ZNF746: variants seen among roughly 807,000 people sequenced by gnomAD.
The protein encoded by ZNF746 is parkin-interacting substrate.
Under a neutral mutation model 41.0 loss-of-function variants are expected in ZNF746, and 13 were observed. The observed-to-expected ratio is 0.32, with a 90% CI of 0.21 to 0.50. ZNF746 has a LOEUF of 0.50. Ranked by LOEUF, ZNF746 falls within the 20% of genes least tolerant of loss-of-function variation. The probability of loss-of-function intolerance (pLI) is 0.98; values close to 1 mark genes in which losing one functional copy is unlikely to be tolerated. For missense variants in ZNF746, 811 were observed against 922.9 expected, an observed-to-expected ratio of 0.88 and a Z score of 1.57; for synonymous variants, 424 against 396.2, an observed-to-expected ratio of 1.07 and a Z score of -0.83.
chr7:149,473,217 G>A lies in ZNF746; in HGVS notation c.*1167C>T, dbSNP rs1800158197. The A allele has an allele frequency of 1.3e-5, 2 of 152,108 alleles. No individual in the cohort carries two copies. The highest frequency in any genetic ancestry group is 2.4e-5 in the African/African-American group (1 of 41,398). The allele number at this position is 152,108 out of a possible 1,614,324, so 9.4% of individuals were successfully genotyped here. A position where few individuals can be genotyped will look rare whatever the true frequency, so the allele number is the denominator to read the frequency against. On this transcript the variant is annotated 3_prime_UTR_variant, in exon 7 of 7. Coordinates refer to ENST00000458143, the MANE Select transcript of ZNF746 (RefSeq NM_001394198.1). ...GGGGAGGCGGCTGCTACAAGCAGAA[G>A]TTCCTTTGAGGCCTGGTGACTGGAC...
At chr7:149,485,367 A>G (rs964295715) in intron 4 of ZNF746, among the ~76,000 whole-genome samples, 1 of 152,230 alleles carries the variant, frequency 6.6e-6, no homozygotes, top group Non-Finnish European at 1.5e-5. Context: ...TTTTTCATGG[A>G]ACTTGATAAG....
chr7:149,485,121 TA>T (rs1563252636), intron 4 of ZNF746, among the ~76,000 whole-genome samples: 1 of 127,124 alleles, frequency 7.9e-6, no homozygotes. Context: ...AAATGCAAGT[TA>T]AAAAAAGATA....
chr7:149,485,020 C>T (rs894329575), intron 4 of ZNF746, among the ~76,000 whole-genome samples: 1 of 151,852 alleles, frequency 6.6e-6, no homozygotes, highest in Non-Finnish European at 1.5e-5. Context: ...GCATAAAGGG[C>T]AGGGACATTG....
In ZNF746 at chr7:149,474,372, G is replaced by A. The variant is rs765778770; in HGVS notation, c.*12C>T. ...CACGTGCGGCCGGCAGGGGCTATGG[G>A]GCTGGAGGCGCTCACATGTCCCCGC... is the stretch of plus-strand genomic sequence containing the variant. On this transcript the variant is annotated 3_prime_UTR_variant, in exon 7 of 7. Coordinates refer to ENST00000458143, the MANE Select transcript of ZNF746 (RefSeq NM_001394198.1). This position sits in a 1 kb window ranked among gnomAD's most constrained non-coding sequence, Gnocchi z 6.3. 1.0e-5 allele frequency: 16 copies of A among 1,596,636 alleles called. No homozygotes were observed. In the Admixed American group the frequency reaches 2.2e-4, roughly 22 times the overall value.
intron 6 of ZNF746, 50 bp downstream of exon 6, chr7:149,476,872 C>A (rs749771477): frequency 1.2e-6 from 2 of 1,612,560 alleles, no homozygotes; most frequent in East Asian, 2.2e-5. Context: ...GACCGAGGTA[C>A]TCCCCACAGG....
intron 4 of ZNF746, 52 bp from the exon 5 acceptor site, chr7:149,477,807 G>C (rs758182802): frequency 6.9e-7 from 1 of 1,450,344 alleles, no homozygotes; most frequent in Non-Finnish European, 9.3e-7. Context: ...CTCAGCCCTG[G>C]GGCATACACG....
In ZNF746 at chr7:149,475,128, G is replaced by T; in HGVS notation, c.1239C>A (p.Pro413=). 6.2e-7 allele frequency: 1 copy of T among 1,612,110 alleles called. No homozygotes were observed. Among genetic ancestry groups the T allele is most frequent in the Non-Finnish European group, 8.5e-7 (1 of 1,179,652 alleles). ...PPVGLNPRTG[P]EGLPYSSPDN... ...CCGGGGAGGAGTAAGGAAGCCCCTC[G>T]GGCCCCGTCCTCGGGTTCAGGCCCA... Residue 413 remains proline (P), a synonymous_variant, in exon 7 of 7, where the codon CCC becomes CCA. Coordinates refer to ENST00000458143, the MANE Select transcript of ZNF746 (RefSeq NM_001394198.1).
chr7:149,482,901 G>A (rs999483391), intron 4 of ZNF746, among the ~76,000 whole-genome samples: 4 of 151,970 alleles, frequency 2.6e-5, no homozygotes, highest in African/African-American at 9.7e-5. Flanking sequence ...GATAAATCTA[G>A]CCAACTAAAG....
Position 149,477,669 on chromosome 7 carries a change from C to T in ZNF746, c.652G>A (p.Gly218Ser), listed in dbSNP as rs1800352112. The change falls in exon 5 of 7, where the codon GGC (glycine) becomes AGC (serine). Residue 218 changes from glycine (G) to serine (S), a missense_variant. Gly to Ser is a moderately conservative substitution (Grantham distance 56). Transcript: ENST00000458143. ...TGCCCGGCTGCCCACGCCTCCACGC[C>T]CAGGGCCTGCTGCTCCTGGAGCTGG... ...ELQLQEQQAL[G>S]VEAWAAGQPD... 1 of 1,613,992 alleles carries T rather than the reference C, an allele frequency of 6.2e-7. No individual in the cohort carries two copies.
intron 4 of ZNF746, among the ~76,000 whole-genome samples, chr7:149,485,938 C>T (rs1206112900): frequency 6.6e-6 from 1 of 152,074 alleles, no homozygotes; most frequent in Non-Finnish European, 1.5e-5. Flanking sequence ...ACTTGGGAGG[C>T]TGAGTTAGGA....
Position 149,497,526 on chromosome 7 carries a change from G to C in ZNF746, c.11C>G (p.Ala4Gly). 1 of 1,099,908 alleles carries C rather than the reference G, an allele frequency of 9.1e-7. No individual in the cohort carries two copies. The highest frequency in any genetic ancestry group is 1.1e-6 in the Non-Finnish European group (1 of 905,986). 68.1% of individuals were successfully genotyped at this position (1,099,908 alleles called of 1,614,324 possible). MAE[A>G]VAAPISPWTM... ...GGTCGCCCTTACCGGAGCCGCGACC[G>C]CCTCGGCCATGGCCCTGCGCTGTCC... Residue 4 changes from alanine (A) to glycine (G), a missense_variant, in exon 1 of 7, where the codon GCG becomes GGG. Around this residue, in one of 4 missense-constraint regions of ZNF746, gnomAD observed 147 missense variants for 233.4 expected, o/e 0.63. Transcript: ENST00000458143. This position sits in a 1 kb window ranked among gnomAD's most constrained non-coding sequence, Gnocchi z 4.2.
Position 149,475,387 on chromosome 7 carries a change from A to G in ZNF746, c.980T>C (p.Phe327Ser). 6.2e-7 allele frequency: 1 copy of G among 1,614,164 alleles called. No individual in the cohort carries two copies. Among genetic ancestry groups the G allele is most frequent in the Non-Finnish European group, 8.5e-7 (1 of 1,180,014 alleles). ...PTDLEAHGTL[F>S]GPGQATRFFP... Reference sequence around the variant, plus strand: ...GAACCGTGTGGCTTGGCCTGGTCCAAACAGGGTCCCGTGAGCCTCTAGGTC... The same window carrying G: ...GAACCGTGTGGCTTGGCCTGGTCCAGACAGGGTCCCGTGAGCCTCTAGGTC... The change falls in exon 7 of 7, where the codon TTT becomes TCT. Residue 327 changes from phenylalanine to serine, a missense_variant. By Grantham distance (155) the Phe-to-Ser change is radical. This residue lies in a region of ZNF746 where 495 missense variants were observed against 481.6 expected (regional missense o/e 1.03). Transcript: ENST00000458143.
intron 4 of ZNF746, among the ~76,000 whole-genome samples, chr7:149,482,743 G>T (rs557271116): frequency 6.6e-6 from 1 of 152,292 alleles, no homozygotes; most frequent in African/African-American, 2.4e-5. Flanking sequence ...AGGATTACAG[G>T]CGTGAGCCAC....
rs1015277339 is a variant in ZNF746 at position 149,494,740 on chromosome 7, C to T, written c.25-237G>A. Among the ~76,000 whole-genome samples the T allele has an allele frequency of 1.5e-4, 23 of 151,892 alleles. No individual in the cohort carries two copies. The highest frequency in any genetic ancestry group is 2.0e-4 in the East Asian group (1 of 5,108). On this transcript the variant is annotated intron_variant, in intron 1 of 6. Transcript: ENST00000458143. The surrounding 1 kb of genome is among the most constrained non-coding windows in gnomAD (Gnocchi z 5.6). ...TGCAGCACAATGCAGACCCTTATCA[C>T]GGTGCTTATCACCCTACACAATAAT...
Position 149,492,907 on chromosome 7 carries a change from G to A in ZNF746, c.517C>T (p.Arg173Cys), listed in dbSNP as rs61743882. The A allele has an allele frequency of 2.7e-4, 431 of 1,613,990 alleles. No homozygotes were observed. Among genetic ancestry groups the A allele is most frequent in the Non-Finnish European group, 3.3e-4 (393 of 1,179,988 alleles). The change falls in exon 4 of 7, where the codon CGC (arginine) becomes TGC (cysteine). Residue 173 changes from arginine (R) to cysteine (C), a missense_variant. This residue lies in a region of ZNF746 where 147 missense variants were observed against 233.4 expected (regional missense o/e 0.63). Transcript: ENST00000458143. ...TCTGGAATCTTGGGGCCAGGGCGGC[G>A]CCAGTTGCAGGGCTCCTTCCCTTGT... is the stretch of plus-strand genomic sequence containing the variant. ...IEQGKEPCNW[R>C]RPGPKIPDVP...
chr7:149,494,545 C>T lies in ZNF746; in HGVS notation c.25-42G>A, dbSNP rs765989615. 2.5e-6 allele frequency: 4 copies of T among 1,607,792 alleles called. No individual in the cohort carries two copies. In the East Asian group the frequency reaches 8.9e-5, roughly 36 times the overall value. On this transcript the variant is annotated intron_variant, in intron 1 of 6. Transcript: ENST00000458143. The surrounding 1 kb of genome is among the most constrained non-coding windows in gnomAD (Gnocchi z 5.6). ...AGAAACTGGCATCACTCATTCCATC[C>T]ACTGTCTTCATTGAGCCCCTCTCTC...
chr7:149,474,351 T>A lies in ZNF746; in HGVS notation c.*33A>T. The A allele has an allele frequency of 6.3e-7, 1 of 1,576,346 alleles. No homozygotes were observed. Among genetic ancestry groups the A allele is most frequent in the Non-Finnish European group, 8.6e-7 (1 of 1,161,480 alleles). ...GCCTGCACACGGGGCTTTTTACACG[T>A]GCGGCCGGCAGGGGCTATGGGGCTG... On this transcript the variant is annotated 3_prime_UTR_variant, in exon 7 of 7. Transcript: ENST00000458143. This position sits in a 1 kb window ranked among gnomAD's most constrained non-coding sequence, Gnocchi z 6.3.
chr7:149,476,449 A>G (rs1419705193), intron 6 of ZNF746, among the ~76,000 whole-genome samples: 2 of 141,408 alleles, frequency 1.4e-5, no homozygotes, highest in Admixed American at 1.4e-4. Flanking sequence ...ATATGACGTT[A>G]TTATAGTAAC....
chr7:149,474,978 G>A lies in ZNF746; in HGVS notation c.1389C>T (p.Pro463=). Residue 463 remains proline (P), a synonymous_variant, in exon 7 of 7, where the codon CCC becomes CCT. Transcript: ENST00000458143. The surrounding 1 kb of genome is among the most constrained non-coding windows in gnomAD (Gnocchi z 6.3). ...KPGLKKHPAA[P]PGGRPFTCAT... is the part of the protein sequence containing the mutation. Reference sequence around the variant, plus strand: ...CGCAGGTGAAGGGCCGGCCCCCGGGGGGCGCCGCGGGGTGCTTCTTCAGCC... The same window carrying A: ...CGCAGGTGAAGGGCCGGCCCCCGGGAGGCGCCGCGGGGTGCTTCTTCAGCC... 4 of 1,547,924 alleles carry A rather than the reference G, an allele frequency of 2.6e-6. No individual in the cohort carries two copies. Among genetic ancestry groups the A allele is most frequent in the Non-Finnish European group, 3.5e-6 (4 of 1,146,410 alleles).
Sources: allele counts gnomAD v4.1 joint callset (sites outside exome capture counted in the v4.1 genomes callset), GRCh38; gene constraint gnomAD v4.1.1; regional missense constraint gnomAD v4.1.1; non-coding constraint Gnocchi (gnomAD v3.1); transcripts MANE v1.5; gene names NCBI Gene and HGNC (gene_info 2026-07-23, HGNC 2026-07-21).